PDSS2: variants seen among roughly 807,000 people sequenced by gnomAD.
PDSS2 encodes decaprenyl diphosphate synthase subunit 2.
A neutral mutation model predicts 44.5 loss-of-function variants in PDSS2; 31 were observed. The observed-to-expected ratio is 0.70, with a 90% CI of 0.52 to 0.94. The LOEUF is 0.94. Among genes scored for constraint, PDSS2 ranks in the 40% least tolerant of loss-of-function variants. The pLI is 0.00. For missense variants in PDSS2, 452 were observed against 482.2 expected (o/e 0.94, Z 0.59); for synonymous variants, 157 against 180.3 (o/e 0.87, Z 1.03).
At chr6:107,156,446 G>A (rs1370825839) in intron 7 of PDSS2, among the ~76,000 whole-genome samples, 3 of 151,318 alleles carry the variant, frequency 2.0e-5, no homozygotes, top group Admixed American at 1.3e-4. Context: ...CGCCCACCTC[G>A]GCCTCCCAAA....
At chr6:107,402,137 A>G (rs669717) in intron 1 of PDSS2, among the ~76,000 whole-genome samples, 110,108 of 151,608 alleles carry the variant, frequency 0.73, 40,416 homozygotes, top group Middle Eastern at 0.79. Context: ...AAAATTAGCC[A>G]GCTGTGGTGG....
chr6:107,410,232 T>C (rs971247091), intron 1 of PDSS2, among the ~76,000 whole-genome samples: 13 of 152,166 alleles, frequency 8.5e-5, no homozygotes, highest in African/African-American at 2.9e-4. Flanking sequence ...GGCATTTTAA[T>C]GCATTTTTTA....
chr6:107,174,986 G>A (rs1771735855), intron 7 of PDSS2, among the ~76,000 whole-genome samples: 1 of 152,174 alleles, frequency 6.6e-6, no homozygotes, highest in Non-Finnish European at 1.5e-5. Flanking sequence ...AGGCCAAGGT[G>A]GGTGGATCAT....
At chr6:107,195,070 C>A (rs1267366608) in intron 6 of PDSS2, among the ~76,000 whole-genome samples, 1 of 152,122 alleles carries the variant, frequency 6.6e-6, no homozygotes, top group East Asian at 1.9e-4. Flanking sequence ...AACAAGAGTC[C>A]TCCAACTTAC....
intron 2 of PDSS2, among the ~76,000 whole-genome samples, chr6:107,295,697 T>A (rs1255237444): frequency 6.6e-6 from 1 of 152,104 alleles, no homozygotes; most frequent in Non-Finnish European, 1.5e-5. Flanking sequence ...TTTACCAAAT[T>A]GCCAGGTAAA....
At chr6:107,164,615 C>T (rs1447694932) in intron 7 of PDSS2, among the ~76,000 whole-genome samples, 10 of 152,090 alleles carry the variant, frequency 6.6e-5, no homozygotes, top group South Asian at 2.1e-4. Context: ...TGAATAGTGC[C>T]GCAATAAACA....
At chr6:107,213,177 T>C (rs543233419) in intron 4 of PDSS2, among the ~76,000 whole-genome samples, 1 of 152,008 alleles carries the variant, frequency 6.6e-6, no homozygotes, top group East Asian at 2.0e-4. Flanking sequence ...ACCAAGTTAA[T>C]TTTTTGTATT....
intron 2 of PDSS2, among the ~76,000 whole-genome samples, chr6:107,290,683 TC>T (rs1776315151): frequency 6.6e-6 from 1 of 152,234 alleles, no homozygotes; most frequent in African/African-American, 2.4e-5. Flanking sequence ...GGCTTATGTA[TC>T]TACAAGGCTT....
At chr6:107,307,084 A>C (rs1776882754) in intron 2 of PDSS2, among the ~76,000 whole-genome samples, 1 of 152,238 alleles carries the variant, frequency 6.6e-6, no homozygotes. Flanking sequence ...GAAAAGGCAG[A>C]TAATATGGCT....
At chr6:107,279,772 A>G in intron 2 of PDSS2, among the ~76,000 whole-genome samples, 1 of 152,234 alleles carries the variant, frequency 6.6e-6, no homozygotes, top group East Asian at 1.9e-4. Flanking sequence ...CTTTAAATCT[A>G]TCCTGTAATT....
intron 1 of PDSS2, among the ~76,000 whole-genome samples, chr6:107,376,933 C>T (rs924026312): frequency 9.9e-5 from 15 of 152,020 alleles, no homozygotes; most frequent in African/African-American, 3.4e-4. Flanking sequence ...GCCATAAAAA[C>T]CCTAGAAGAA....
intron 1 of PDSS2, among the ~76,000 whole-genome samples, chr6:107,451,981 C>A (rs79452621): frequency 0.066 from 10,112 of 152,156 alleles, 417 homozygotes; most frequent in Non-Finnish European, 0.092. Flanking sequence ...TACTTGCTAC[C>A]TTTATAGGTT....
chr6:107,456,045 C>T (rs754981235), intron 1 of PDSS2, among the ~76,000 whole-genome samples: 4 of 151,808 alleles, frequency 2.6e-5, no homozygotes, highest in African/African-American at 7.3e-5. Context: ...CTGTGAGGCC[C>T]GGCGTGGTGG....
chr6:107,392,339 A>G (rs934009699), intron 1 of PDSS2, among the ~76,000 whole-genome samples: 2 of 152,206 alleles, frequency 1.3e-5, no homozygotes, highest in African/African-American at 2.4e-5. Context: ...ATAGAAAATA[A>G]AACAGTCAGA....
chr6:107,294,922 G>A (rs531509972), intron 2 of PDSS2, among the ~76,000 whole-genome samples: 2 of 151,974 alleles, frequency 1.3e-5, no homozygotes, highest in Non-Finnish European at 2.9e-5. Flanking sequence ...TAGACACAGG[G>A]GTTCTGTTCT....
intron 2 of PDSS2, among the ~76,000 whole-genome samples, chr6:107,299,146 CAAAAAAAAA>C (rs71991148): frequency 3.7e-5 from 2 of 53,494 alleles, no homozygotes; most frequent in East Asian, 5.6e-4. Flanking sequence ...GACCCTGTCT[CAAAAAAAAA>C]AAAAAAAAAA....
intron 4 of PDSS2, among the ~76,000 whole-genome samples, chr6:107,215,296 G>A (rs928852763): frequency 1.3e-5 from 2 of 152,176 alleles, no homozygotes; most frequent in Non-Finnish European, 2.9e-5. Flanking sequence ...GGAGGCTGAG[G>A]AGGGAGGATC....
intron 6 of PDSS2, among the ~76,000 whole-genome samples, chr6:107,201,058 T>G (rs1483552720): frequency 6.6e-6 from 1 of 152,102 alleles, no homozygotes; most frequent in Non-Finnish European, 1.5e-5. Flanking sequence ...CCAGCAGTCC[T>G]GAACCTCTTC....
chr6:107,431,040 C>T (rs1002720584), intron 1 of PDSS2, among the ~76,000 whole-genome samples: 2 of 152,138 alleles, frequency 1.3e-5, no homozygotes, highest in African/African-American at 2.4e-5. Context: ...GGTTCTGTCA[C>T]CTAAGCCTTT....
Sources: gnomAD v4.1 joint callset for allele counts (sites outside exome capture counted in the v4.1 genomes callset) on GRCh38, gnomAD v4.1.1 for gene constraint, MANE v1.5 for transcripts, NCBI Gene and HGNC (gene_info 2026-07-23, HGNC 2026-07-21) for gene names.